TOR1AIP1: variants seen among roughly 807,000 people sequenced by gnomAD.
The protein encoded by TOR1AIP1 is torsin-1A-interacting protein 1.
Under a neutral mutation model 63.3 loss-of-function variants are expected in TOR1AIP1, and 54 were observed. The observed-to-expected ratio is 0.85, with a 90% CI of 0.69 to 1.07. The LOEUF (loss-of-function observed/expected upper bound fraction) is 1.07. Ranked by LOEUF, TOR1AIP1 falls within the 50% of genes least tolerant of loss-of-function variation. The pLI, the probability that TOR1AIP1 is intolerant of heterozygous loss-of-function variation, is 0.00. For missense variants in TOR1AIP1, 736 were observed against 715.0 expected (o/e 1.03, Z -0.33); for synonymous variants, 294 against 273.5 (o/e 1.07, Z -0.74).
At chr1:179,884,971 A>G (rs483561) in intron 2 of TOR1AIP1, among the ~76,000 whole-genome samples, 22 of 152,242 alleles carry the variant, frequency 1.4e-4, no homozygotes, top group Non-Finnish European at 2.6e-4. Context: ...AGAAGCTAAG[A>G]CAATTCTGTA....
intron 7 of TOR1AIP1, 98 bp from the exon 8 acceptor site, chr1:179,908,507 T>C: frequency 3.1e-6 from 3 of 959,856 alleles, no homozygotes; most frequent in South Asian, 1.6e-5. Context: ...TCCCCTACTT[T>C]ATTTTGTCTT....
At chr1:179,904,074 T>G (rs761035032) in intron 6 of TOR1AIP1, 52 bp downstream of exon 6, 4 of 1,351,840 alleles carry the variant, frequency 3.0e-6, no homozygotes, top group Admixed American at 2.2e-5. Context: ...TCAAATGATG[T>G]TCCTATTTTT....
intron 2 of TOR1AIP1, among the ~76,000 whole-genome samples, chr1:179,889,013 T>C (rs1335608157): frequency 1.3e-5 from 2 of 152,220 alleles, no homozygotes; most frequent in African/African-American, 4.8e-5. Context: ...TGGTTCTTAA[T>C]TGAGCAATTT....
At chr1:179,886,297 C>T (rs1200511189) in intron 2 of TOR1AIP1, among the ~76,000 whole-genome samples, 1 of 152,168 alleles carries the variant, frequency 6.6e-6, no homozygotes, top group African/African-American at 2.4e-5. Flanking sequence ...AGCCTCCGGA[C>T]CATTATAAAA....
At chr1:179,889,434 T>G in intron 3 of TOR1AIP1, 65 bp downstream of exon 3, 1 of 1,355,000 alleles carries the variant, frequency 7.4e-7, no homozygotes, top group Non-Finnish European at 1.0e-6. Context: ...TAAATATGGT[T>G]GTACATGTAT....
At chr1:179,893,228 G>C (rs977664039) in intron 3 of TOR1AIP1, among the ~76,000 whole-genome samples, 1 of 151,886 alleles carries the variant, frequency 6.6e-6, no homozygotes, top group Non-Finnish European at 1.5e-5. Context: ...GGGCGACAGA[G>C]CGAGATTTGG....
Position 179,882,559 on chromosome 1 carries a change from C to G in TOR1AIP1, c.57C>G (p.Val19=), listed in dbSNP as rs771380602. 1.7e-5 allele frequency: 25 copies of G among 1,507,332 alleles called. No homozygotes were observed. The highest frequency in any genetic ancestry group is 2.1e-5 in the Non-Finnish European group (24 of 1,131,822). 93.4% of individuals were successfully genotyped at this position (1,507,332 alleles called of 1,614,324 possible). A position where few individuals can be genotyped will look rare whatever the true frequency, so the allele number is the denominator to read the frequency against. The change falls in exon 1 of 10, where the codon GTC becomes GTG. Residue 19 remains valine, a synonymous_variant. Coordinates refer to ENST00000606911, the MANE Select transcript of TOR1AIP1 (RefSeq NM_015602.4). ...EAVREGWGVY[V]TPRAPIREGR... is the part of the protein sequence containing the mutation. ...TGCGGGAAGGATGGGGTGTGTACGT[C>G]ACCCCCAGGGCCCCCATCCGAGAGG... is the stretch of plus-strand genomic sequence containing the variant.
Position 179,904,168 on chromosome 1 carries a change from A to G in TOR1AIP1, c.796+146A>G, listed in dbSNP as rs571785951. 1.7e-5 allele frequency: 10 copies of G among 582,912 alleles called. No individual in the cohort carries two copies. In the South Asian group the frequency reaches 2.6e-4, roughly 15 times the overall value. 36.1% of individuals were successfully genotyped at this position (582,912 alleles called of 1,614,324 possible). A position where few individuals can be genotyped will look rare whatever the true frequency, so the allele number is the denominator to read the frequency against. ...AAAAAAACTTATCCGATATCTCTCT[A>G]CCACTTGACCTTGCTTATTGAGTTA... On this transcript the variant is annotated intron_variant, in intron 6 of 9. Transcript: ENST00000606911.
At chr1:179,899,006 A>G (rs1374825138) in intron 3 of TOR1AIP1, among the ~76,000 whole-genome samples, 2 of 152,186 alleles carry the variant, frequency 1.3e-5, no homozygotes, top group Non-Finnish European at 2.9e-5. Flanking sequence ...AAGCTTGACT[A>G]GTATTATACT....
At chr1:179,902,102 T>A (rs1177965033) in intron 5 of TOR1AIP1, among the ~76,000 whole-genome samples, 2 of 147,820 alleles carry the variant, frequency 1.4e-5, no homozygotes, top group Non-Finnish European at 3.0e-5. Context: ...GTCGGCTCAC[T>A]GCAGCCTCTG....
intron 6 of TOR1AIP1, among the ~76,000 whole-genome samples, chr1:179,907,000 G>A (rs1488430650): frequency 1.3e-5 from 2 of 151,152 alleles, no homozygotes; most frequent in African/African-American, 2.4e-5. Flanking sequence ...GCCTCCCAAA[G>A]TGCTAGGATT....
At chr1:179,887,627 G>C (rs923713976) in intron 2 of TOR1AIP1, among the ~76,000 whole-genome samples, 2 of 152,152 alleles carry the variant, frequency 1.3e-5, no homozygotes, top group Non-Finnish European at 2.9e-5. Flanking sequence ...CTACATAACA[G>C]TTATTCTCCT....
intron 3 of TOR1AIP1, among the ~76,000 whole-genome samples, chr1:179,892,737 CAAA>C (rs71118413): frequency 9.9e-5 from 11 of 110,942 alleles, no homozygotes; most frequent in Admixed American, 1.9e-4. Flanking sequence ...GACTCCGTCT[CAAA>C]AAAAAAAAAA....
At position 179,913,992 on chromosome 1, in the gene TOR1AIP1, C is replaced by G; in HGVS notation, c.908-6C>G. On this transcript the variant is annotated splice_polypyrimidine_tract_variant and splice_region_variant and intron_variant, in intron 8 of 9. Coordinates refer to ENST00000606911, the MANE Select transcript of TOR1AIP1 (RefSeq NM_015602.4). ...GATAGTCTTATTTTATTACTCTCAC[C>G]ATTAGATGACAGCATTCTGAAATCA... is the stretch of plus-strand genomic sequence containing the variant. 6.2e-7 allele frequency: 1 copy of G among 1,612,856 alleles called. No homozygotes were observed. The highest frequency in any genetic ancestry group is 8.5e-7 in the Non-Finnish European group (1 of 1,179,070).
At chr1:179,906,858 C>T (rs970125745) in intron 6 of TOR1AIP1, among the ~76,000 whole-genome samples, 2 of 150,890 alleles carry the variant, frequency 1.3e-5, no homozygotes, top group South Asian at 2.1e-4. Flanking sequence ...CTGCCTCAGC[C>T]TCCCGAGTAG....
At chr1:179,910,836 T>G (rs981271301) in intron 8 of TOR1AIP1, among the ~76,000 whole-genome samples, 2 of 152,198 alleles carry the variant, frequency 1.3e-5, no homozygotes, top group South Asian at 2.1e-4. Context: ...ATAAGTGAAG[T>G]TAGTACATAC....
intron 3 of TOR1AIP1, among the ~76,000 whole-genome samples, chr1:179,896,257 T>G (rs1175908000): frequency 1.3e-5 from 2 of 152,186 alleles, no homozygotes; most frequent in Admixed American, 1.3e-4. Context: ...AAAATCTATT[T>G]TATTCATGGA....
At chr1:179,903,392 G>T (rs746336197) in intron 5 of TOR1AIP1, among the ~76,000 whole-genome samples, 1 of 152,016 alleles carries the variant, frequency 6.6e-6, no homozygotes, top group African/African-American at 2.4e-5. Flanking sequence ...AAAATTTTCC[G>T]CAACTCAAAG....
At chr1:179,901,550 C>T (rs1187407167) in intron 5 of TOR1AIP1, among the ~76,000 whole-genome samples, 162 bp downstream of exon 5, 2 of 151,854 alleles carry the variant, frequency 1.3e-5, no homozygotes, top group Non-Finnish European at 2.9e-5. Context: ...CGTGTTCATC[C>T]GATTAATACT....
Sources: gnomAD v4.1 joint callset for allele counts (sites outside exome capture counted in the v4.1 genomes callset) on GRCh38, gnomAD v4.1.1 for gene constraint, MANE v1.5 for transcripts, NCBI Gene and HGNC (gene_info 2026-07-23, HGNC 2026-07-21) for gene names.